The following TACC2 variants were observed in gnomAD, a reference collection of about 807,000 sequenced individuals.
TACC2 encodes the protein transforming acidic coiled-coil containing protein 2, also known as transforming acidic coiled-coil-containing protein 2.
In TACC2, 137 loss-of-function variants were observed where a neutral mutation model predicts 227.3. The observed-to-expected ratio is 0.60, with a 90% confidence interval of 0.52 to 0.69. The LOEUF (loss-of-function observed/expected upper bound fraction) is 0.69, where lower values mean the gene tolerates loss of function less well. TACC2 is among the 30% of genes least tolerant of loss of function. The pLI is 0.00. For missense variants in TACC2, 3,470 were observed against 3,694.4 expected, an observed-to-expected ratio of 0.94 and a Z score of 1.57; for synonymous variants, 1,523 against 1,487.5, an observed-to-expected ratio of 1.02 and a Z score of -0.55.
intron 2 of TACC2, chr10:122,033,126 G>C (rs192677940): frequency 3.9e-6 from 5 of 1,289,396 alleles, no homozygotes. Context: ...ACGTCATTCT[G>C]TGGCCTCCAA....
At chr10:121,998,994 G>A (rs1953925057) in intron 1 of TACC2, among the ~76,000 whole-genome samples, 1 of 151,756 alleles carries the variant, frequency 6.6e-6, no homozygotes, top group Admixed American at 6.6e-5. Context: ...GGAAGCTGGA[G>A]TGGCCATTTC....
intron 1 of TACC2, among the ~76,000 whole-genome samples, chr10:121,995,420 G>A (rs961072043): frequency 6.6e-6 from 1 of 152,144 alleles, no homozygotes; most frequent in African/African-American, 2.4e-5. Flanking sequence ...AAACAGAAAC[G>A]CCCCGACCAA....
At chr10:122,020,761 C>T (rs977664572) in intron 1 of TACC2, among the ~76,000 whole-genome samples, 1 of 152,140 alleles carries the variant, frequency 6.6e-6, no homozygotes, top group Non-Finnish European at 1.5e-5. Context: ...ACGGCTCCAG[C>T]TCTAAAAGTC....
At position 122,141,909 on chromosome 10, in the gene TACC2, A is replaced by G. The variant is rs928202622; in HGVS notation, c.5700-1663A>G. Among the ~76,000 whole-genome samples the G allele has an allele frequency of 3.3e-5, 5 of 152,248 alleles. No homozygotes were observed. Among genetic ancestry groups the G allele is most frequent in the African/African-American group, 1.2e-4 (5 of 41,472 alleles). ...GCGTTTGTAAGTGGTCCATTTGCCG[A>G]TTATGAGTACATGTCAGCCTCCAAA... On this transcript the variant is annotated intron_variant, in intron 6 of 22. Transcript: ENST00000369005. The surrounding 1 kb of genome is among the most constrained non-coding windows in gnomAD (Gnocchi z 4.3).
chr10:122,091,147 T>C (rs7101179), intron 5 of TACC2, among the ~76,000 whole-genome samples: 1,858 of 152,252 alleles, frequency 0.012, 44 homozygotes, highest in African/African-American at 0.043. Flanking sequence ...TGCTGAGACT[T>C]TTGTACTCTC....
rs1167084872 is a variant in TACC2, at chr10:122,073,126, AATAT to A, written c.147-9497_147-9494del. ...TGTCTCAAAAAAAAAAAAAAAAAAA[AATAT>A]ATATATATATATATATATATATACA... is the stretch of plus-strand genomic sequence containing the variant. On this transcript the variant is annotated intron_variant, in intron 3 of 22. Coordinates refer to ENST00000369005, the MANE Select transcript of TACC2 (RefSeq NM_206862.4). 3.5e-3 allele frequency among the ~76,000 whole-genome samples: 249 copies of A among 70,962 alleles called. 6 individuals are homozygous for A. The highest frequency in any genetic ancestry group is 9.6e-3 in the Middle Eastern group (1 of 104). The allele number at this position is 70,962 out of a possible 152,430, so 46.6% of individuals were successfully genotyped here.
At chr10:122,221,815 T>C (rs995401352) in intron 11 of TACC2, among the ~76,000 whole-genome samples, 1 of 152,138 alleles carries the variant, frequency 6.6e-6, no homozygotes, top group Non-Finnish European at 1.5e-5. Context: ...GATAAGTCAA[T>C]AGGCAAGGAG....
At chr10:122,030,862 C>T (rs2947603) in intron 2 of TACC2, among the ~76,000 whole-genome samples, 70,227 of 151,662 alleles carry the variant, frequency 0.46, 16,446 homozygotes, top group South Asian at 0.63. Flanking sequence ...GCTCCAGACC[C>T]ATCTGTACCT....
chr10:121,991,223 T>C (rs1394275795), intron 1 of TACC2, among the ~76,000 whole-genome samples: 1 of 152,256 alleles, frequency 6.6e-6, no homozygotes, highest in Non-Finnish European at 1.5e-5. Flanking sequence ...TGGAGATAAA[T>C]GAACCTTAAA....
chr10:122,104,606 A>G (rs1417598711), intron 5 of TACC2, among the ~76,000 whole-genome samples: 3 of 152,140 alleles, frequency 2.0e-5, no homozygotes, highest in Admixed American at 1.3e-4. Flanking sequence ...CCTGACTCCA[A>G]CTGATCCTCC....
chr10:122,151,648 GA>G (rs1164995706), intron 7 of TACC2, among the ~76,000 whole-genome samples: 1 of 150,766 alleles, frequency 6.6e-6, no homozygotes, highest in African/African-American at 2.5e-5. Context: ...TTAGTTTGGG[GA>G]AATATCTCTG....
chr10:121,993,212 G>A (rs1178374477), intron 1 of TACC2, among the ~76,000 whole-genome samples: 1 of 152,088 alleles, frequency 6.6e-6, no homozygotes, highest in Admixed American at 6.6e-5. Context: ...CAGCATTTTA[G>A]TTATTATAAA....
At chr10:122,232,083 G>T (rs530478545) in intron 16 of TACC2, among the ~76,000 whole-genome samples, 2 of 152,378 alleles carry the variant, frequency 1.3e-5, no homozygotes, top group South Asian at 4.1e-4. Context: ...GAGACCCAAG[G>T]CAGGGACAAG....
chr10:122,097,567 G>T (rs1164992079), intron 5 of TACC2, among the ~76,000 whole-genome samples: 1 of 152,014 alleles, frequency 6.6e-6, no homozygotes, highest in Non-Finnish European at 1.5e-5. Context: ...GGACGGGGAG[G>T]GCCCTGGGAG....
intron 2 of TACC2, among the ~76,000 whole-genome samples, chr10:122,034,364 T>A (rs1357573984): frequency 6.6e-6 from 1 of 152,160 alleles, no homozygotes; most frequent in African/African-American, 2.4e-5. Context: ...TGATGACTCA[T>A]GTTTTATAGA....
Position 122,143,589 on chromosome 10 carries a change from C to T in TACC2, c.5717C>T (p.Ala1906Val). 3 of 1,614,064 alleles carry T rather than the reference C, an allele frequency of 1.9e-6. No individual in the cohort carries two copies. Among genetic ancestry groups the T allele is most frequent in the Admixed American group, 3.3e-5 (2 of 60,026 alleles). Residue 1906 changes from alanine (A) to valine (V), a missense_variant, in exon 7 of 23, where the codon GCC becomes GTC. Ala to Val is a moderately conservative substitution (Grantham distance 64). This residue lies in a region of TACC2 where 1,924 missense variants were observed against 1,978.3 expected (regional missense o/e 0.97). Coordinates refer to ENST00000369005, the MANE Select transcript of TACC2 (RefSeq NM_206862.4). ...LIAQSISPAA[A>V]HAGLPPSAAE... is the part of the protein sequence containing the mutation. The stretch of plus-strand genomic sequence containing the variant: ...GTCCCCAGCATCTCCCCAGCTGCTG[C>T]CCATGCGGGTCTTCCTCCCTCGGCT...
chr10:121,995,111 T>C (rs1372113555), intron 1 of TACC2, among the ~76,000 whole-genome samples: 1 of 152,204 alleles, frequency 6.6e-6, no homozygotes, highest in Non-Finnish European at 1.5e-5. Flanking sequence ...TGTAGGACTT[T>C]GTGGGAGAAA....
chr10:122,197,004 T>C (rs2094595054), intron 8 of TACC2, among the ~76,000 whole-genome samples: 1 of 150,616 alleles, frequency 6.6e-6, no homozygotes, highest in Non-Finnish European at 1.5e-5. Context: ...CTCACGCCTG[T>C]AATCCCAGCA....
At chr10:122,143,288 G>C (rs117740912) in intron 6 of TACC2, among the ~76,000 whole-genome samples, 81 of 152,228 alleles carry the variant, frequency 5.3e-4, no homozygotes, top group African/African-American at 1.9e-3. Context: ...CTCACATAGC[G>C]TGTCCTGGAC....
Sources: gnomAD v4.1 joint callset for allele counts (sites outside exome capture counted in the v4.1 genomes callset) on GRCh38, gnomAD v4.1.1 for gene constraint, gnomAD v4.1.1 regional missense constraint, Gnocchi (gnomAD v3.1) non-coding constraint, MANE v1.5 for transcripts, NCBI Gene and HGNC (gene_info 2026-07-23, HGNC 2026-07-21) for gene names.